The following ATE1 variants were observed in gnomAD, a reference collection of about 807,000 sequenced individuals.
The protein encoded by ATE1 is arginyl-tRNA--protein transferase 1.
A neutral mutation model predicts 70.5 loss-of-function variants in ATE1; 36 were observed. The ratio of observed to expected loss-of-function variants is 0.51; its 90% CI spans 0.39 to 0.67. The LOEUF (loss-of-function observed/expected upper bound fraction) is 0.67. Ranked by LOEUF, ATE1 falls within the 30% of genes least tolerant of loss-of-function variation. The pLI, the probability that ATE1 is intolerant of heterozygous loss-of-function variation, is 0.00. For missense variants in ATE1, 593 were observed against 629.5 expected, an observed-to-expected ratio of 0.94 and a Z score of 0.62; for synonymous variants, 232 against 219.3, an observed-to-expected ratio of 1.06 and a Z score of -0.51.
chr10:121,879,897 A>G (rs1353243788), intron 7 of ATE1, among the ~76,000 whole-genome samples: 1 of 152,234 alleles, frequency 6.6e-6, no homozygotes, highest in Non-Finnish European at 1.5e-5. Flanking sequence ...CAAGGAATAC[A>G]TACCAAGAAA....
chr10:121,794,269 T>G (rs1340000223), intron 10 of ATE1, among the ~76,000 whole-genome samples: 2 of 152,222 alleles, frequency 1.3e-5, no homozygotes, highest in Non-Finnish European at 2.9e-5. Context: ...TGTAGAATTT[T>G]CTGGCTCATT....
chr10:121,902,667 A>T, intron 5 of ATE1, 47 bp from the exon 6 acceptor site: 1 of 1,530,404 alleles, frequency 6.5e-7, no homozygotes, highest in Non-Finnish European at 8.8e-7. Flanking sequence ...TGGTTCTAGA[A>T]AAGTTTTTTC....
intron 5 of ATE1, among the ~76,000 whole-genome samples, chr10:121,909,444 A>C (rs1023304681): frequency 6.6e-6 from 1 of 152,160 alleles, no homozygotes; most frequent in African/African-American, 2.4e-5. Flanking sequence ...TATTTTTTTT[A>C]AAGTTCTTAT....
At chr10:121,898,827 A>G (rs1167629836) in intron 7 of ATE1, 2 of 1,612,686 alleles carry the variant, frequency 1.2e-6, no homozygotes, top group Admixed American at 3.3e-5. Context: ...ACAGAAAACA[A>G]CAGTTAACAA....
chr10:121,769,998 T>C (rs1044341456), intron 11 of ATE1, among the ~76,000 whole-genome samples: 9 of 152,198 alleles, frequency 5.9e-5, no homozygotes, highest in Admixed American at 1.3e-4. Context: ...CCAGTAACTG[T>C]ACTGCTGGGC....
At chr10:121,873,030 A>G (rs894588400) in intron 7 of ATE1, among the ~76,000 whole-genome samples, 1 of 152,160 alleles carries the variant, frequency 6.6e-6, no homozygotes, top group Non-Finnish European at 1.5e-5. Context: ...TAACATAGCC[A>G]TATTCTTTAT....
chr10:121,916,807 C>A (rs571643773), intron 3 of ATE1, among the ~76,000 whole-genome samples: 1 of 151,790 alleles, frequency 6.6e-6, no homozygotes, highest in Admixed American at 6.6e-5. Context: ...TGCACTCCAG[C>A]CTGGGCAACA....
chr10:121,778,455 G>T (rs1459588342), intron 11 of ATE1, among the ~76,000 whole-genome samples: 1 of 151,970 alleles, frequency 6.6e-6, no homozygotes, highest in Non-Finnish European at 1.5e-5. Context: ...GTTCATTGGG[G>T]GTTGGCAGCA....
intron 11 of ATE1, among the ~76,000 whole-genome samples, chr10:121,783,655 A>T (rs1055601503): frequency 6.6e-6 from 1 of 152,028 alleles, no homozygotes; most frequent in African/African-American, 2.4e-5. Context: ...TTATTTTTTA[A>T]TTGGCATTTT....
intron 11 of ATE1, among the ~76,000 whole-genome samples, chr10:121,763,536 A>G (rs1167568317): frequency 6.6e-6 from 1 of 152,238 alleles, no homozygotes; most frequent in Non-Finnish European, 1.5e-5. Context: ...ATTTTATGAC[A>G]TTCTGGAAAA....
At chr10:121,758,141 A>AT (rs142008099) in intron 11 of ATE1, among the ~76,000 whole-genome samples, 10,186 of 152,276 alleles carry the variant, frequency 0.067, 476 homozygotes, top group Middle Eastern at 0.11. Flanking sequence ...GTAGCTAATA[A>AT]TTTTTTTAAA....
intron 5 of ATE1, among the ~76,000 whole-genome samples, chr10:121,903,721 G>T (rs1951075806): frequency 6.6e-6 from 1 of 151,928 alleles, no homozygotes; most frequent in Non-Finnish European, 1.5e-5. Context: ...TTAGTTGAAG[G>T]TATCTGTGTC....
At chr10:121,898,278 C>T (rs1432115737) in intron 7 of ATE1, among the ~76,000 whole-genome samples, 1 of 152,146 alleles carries the variant, frequency 6.6e-6, no homozygotes, top group African/African-American at 2.4e-5. Flanking sequence ...TTCCGTTTTT[C>T]ACTTTCAGTA....
chr10:121,772,085 A>G (rs1328764881), intron 11 of ATE1, among the ~76,000 whole-genome samples: 1 of 152,226 alleles, frequency 6.6e-6, no homozygotes, highest in African/African-American at 2.4e-5. Context: ...ACAGAATTTT[A>G]TACTTTGTAT....
chr10:121,803,361 G>A (rs2133392727), intron 10 of ATE1, among the ~76,000 whole-genome samples: 1 of 152,308 alleles, frequency 6.6e-6, no homozygotes, highest in African/African-American at 2.4e-5. Flanking sequence ...TTAAAAGGAG[G>A]AGGGAGGGAT....
intron 7 of ATE1, among the ~76,000 whole-genome samples, chr10:121,888,640 A>G (rs1950483360): frequency 6.6e-6 from 1 of 152,100 alleles, no homozygotes; most frequent in South Asian, 2.1e-4. Flanking sequence ...GCACACATCA[A>G]ATAGAAATGT....
At chr10:121,864,860 T>C (rs1195959543) in intron 8 of ATE1, among the ~76,000 whole-genome samples, 3 of 152,194 alleles carry the variant, frequency 2.0e-5, no homozygotes, top group Non-Finnish European at 4.4e-5. Flanking sequence ...TGAGTCCTAC[T>C]AGCATCTAGT....
At chr10:121,877,304 T>C (rs1950085776) in intron 7 of ATE1, among the ~76,000 whole-genome samples, 1 of 152,196 alleles carries the variant, frequency 6.6e-6, no homozygotes, top group Non-Finnish European at 1.5e-5. Context: ...AAACACCTTC[T>C]GGTTTTTTAA....
chr10:121,889,790 G>T (rs1188452246), intron 7 of ATE1, among the ~76,000 whole-genome samples: 1 of 151,898 alleles, frequency 6.6e-6, no homozygotes, highest in Non-Finnish European at 1.5e-5. Context: ...TCCAGCCTGG[G>T]TGACCGACCA....
Sources: allele counts gnomAD v4.1 joint callset (sites outside exome capture counted in the v4.1 genomes callset), GRCh38; gene constraint gnomAD v4.1.1; transcripts MANE v1.5; gene names NCBI Gene and HGNC (gene_info 2026-07-23, HGNC 2026-07-21).